The following LHFPL3 variants were observed in gnomAD, a reference collection of about 807,000 sequenced individuals.
LHFPL3 encodes LHFPL tetraspan subfamily member 3, also known as LHFPL tetraspan subfamily member 3 protein.
Under a neutral mutation model 19.3 loss-of-function variants are expected in LHFPL3, and 5 were observed. The ratio of observed to expected loss-of-function variants is 0.26; its 90% CI spans 0.14 to 0.54. The LOEUF is 0.54. Among genes scored for constraint, LHFPL3 ranks in the 20% least tolerant of loss-of-function variants. LHFPL3 has a pLI of 0.94. For missense variants in LHFPL3, 249 were observed against 307.4 expected, an observed-to-expected ratio of 0.81 and a Z score of 1.42; for synonymous variants, 133 against 126.2, an observed-to-expected ratio of 1.05 and a Z score of -0.36.
chr7:104,435,453 A>G (rs964279822), intron 1 of LHFPL3, among the ~76,000 whole-genome samples: 1 of 151,330 alleles, frequency 6.6e-6, no homozygotes, highest in African/African-American at 2.4e-5. Flanking sequence ...TTTAAAAAAG[A>G]CTTATTTTTT....
At chr7:104,546,227 C>A (rs976840194) in intron 1 of LHFPL3, among the ~76,000 whole-genome samples, 2 of 152,046 alleles carry the variant, frequency 1.3e-5, no homozygotes, top group East Asian at 3.9e-4. Context: ...AAAGAAATAT[C>A]CCAGGGAAAC....
chr7:104,795,326 G>A (rs558479933), intron 2 of LHFPL3, among the ~76,000 whole-genome samples: 6 of 152,172 alleles, frequency 3.9e-5, no homozygotes, highest in East Asian at 1.9e-4. Flanking sequence ...TCCCATTGCC[G>A]GAAAGTCAGC....
At chr7:104,718,441 T>A (rs1349497828) in intron 1 of LHFPL3, among the ~76,000 whole-genome samples, 1 of 152,158 alleles carries the variant, frequency 6.6e-6, no homozygotes, top group Admixed American at 6.5e-5. Flanking sequence ...AAGAATTAAA[T>A]TACTCCTAAG....
At chr7:104,613,587 T>C (rs998129006) in intron 1 of LHFPL3, among the ~76,000 whole-genome samples, 14 of 152,124 alleles carry the variant, frequency 9.2e-5, no homozygotes, top group African/African-American at 3.4e-4. Flanking sequence ...CTCAACCTAA[T>C]TCCGCAACAC....
intron 1 of LHFPL3, among the ~76,000 whole-genome samples, chr7:104,552,884 C>G (rs532326764): frequency 6.6e-6 from 1 of 152,208 alleles, no homozygotes; most frequent in African/African-American, 2.4e-5. Flanking sequence ...TGGGTGCAGA[C>G]CCTAGTTCTG....
chr7:104,696,209 C>T (rs1245632540), intron 1 of LHFPL3, among the ~76,000 whole-genome samples: 4 of 152,198 alleles, frequency 2.6e-5, no homozygotes, highest in Admixed American at 1.3e-4. Context: ...CTCAGCCTCC[C>T]GGAGTGCTGG....
At chr7:104,871,285 G>A (rs1791831297) in intron 2 of LHFPL3, among the ~76,000 whole-genome samples, 1 of 152,168 alleles carries the variant, frequency 6.6e-6, no homozygotes, top group Non-Finnish European at 1.5e-5. Context: ...ACAATGATAA[G>A]TATTTGTGTA....
intron 1 of LHFPL3, among the ~76,000 whole-genome samples, chr7:104,523,938 A>G (rs963191404): frequency 1.2e-4 from 19 of 152,326 alleles, no homozygotes; most frequent in Non-Finnish European, 2.5e-4. Flanking sequence ...CTAGGAATCA[A>G]TTATTTAAAA....
At chr7:104,900,329 G>A (rs1404837658) in intron 2 of LHFPL3, among the ~76,000 whole-genome samples, 2 of 152,260 alleles carry the variant, frequency 1.3e-5, no homozygotes, top group South Asian at 2.1e-4. Flanking sequence ...AGAAAGAGAC[G>A]TTCATGAGTT....
chr7:104,796,129 C>T (rs1335583157), intron 2 of LHFPL3, among the ~76,000 whole-genome samples: 1 of 152,154 alleles, frequency 6.6e-6, no homozygotes, highest in African/African-American at 2.4e-5. Context: ...GCTGAGGCCT[C>T]AATAGTGCAG....
chr7:104,502,477 T>A (rs1408622079), intron 1 of LHFPL3, among the ~76,000 whole-genome samples: 1 of 152,206 alleles, frequency 6.6e-6, no homozygotes, highest in Non-Finnish European at 1.5e-5. Context: ...CAAAAGAGTA[T>A]AGAAATGGCA....
chr7:104,801,389 A>C (rs924380978), intron 2 of LHFPL3, among the ~76,000 whole-genome samples: 1 of 152,150 alleles, frequency 6.6e-6, no homozygotes, highest in Admixed American at 6.5e-5. Flanking sequence ...CACCCATACA[A>C]GGGGGTCAGG....
intron 1 of LHFPL3, among the ~76,000 whole-genome samples, chr7:104,364,467 G>A (rs1326985242): frequency 3.3e-5 from 5 of 152,224 alleles, no homozygotes; most frequent in African/African-American, 1.2e-4. Flanking sequence ...AAAGCTGGCA[G>A]TAGAAGTTAG....
chr7:104,790,739 G>A (rs1790008795), intron 2 of LHFPL3, among the ~76,000 whole-genome samples: 1 of 152,122 alleles, frequency 6.6e-6, no homozygotes, highest in Non-Finnish European at 1.5e-5. Flanking sequence ...CCAACCAGTT[G>A]TCAGAAGACC....
At chr7:104,523,228 T>C (rs985321289) in intron 1 of LHFPL3, among the ~76,000 whole-genome samples, 4 of 152,168 alleles carry the variant, frequency 2.6e-5, no homozygotes, top group Non-Finnish European at 5.9e-5. Flanking sequence ...TTGCCATGTG[T>C]CAGGTACTGT....
At chr7:104,499,051 A>G (rs1793547137) in intron 1 of LHFPL3, among the ~76,000 whole-genome samples, 1 of 152,314 alleles carries the variant, frequency 6.6e-6, no homozygotes, top group Admixed American at 6.5e-5. Context: ...CATTCATAAA[A>G]ATGAAGCATG....
intron 1 of LHFPL3, among the ~76,000 whole-genome samples, chr7:104,402,061 G>T (rs1399641216): frequency 6.6e-6 from 1 of 150,986 alleles, no homozygotes. Context: ...AGGCCACATG[G>T]GTATAATCAG....
At chr7:104,490,732 A>G (rs1392639817) in intron 1 of LHFPL3, among the ~76,000 whole-genome samples, 4 of 152,188 alleles carry the variant, frequency 2.6e-5, no homozygotes, top group Admixed American at 1.3e-4. Flanking sequence ...GATTTTAACT[A>G]TCTTGCCAAA....
chr7:104,564,838 C>A (rs894188599), intron 1 of LHFPL3, among the ~76,000 whole-genome samples: 1 of 152,090 alleles, frequency 6.6e-6, no homozygotes, highest in Non-Finnish European at 1.5e-5. Context: ...AAAAGTGTGC[C>A]GGGATTCACA....
Sources: gnomAD v4.1 joint callset for allele counts (sites outside exome capture counted in the v4.1 genomes callset) on GRCh38, gnomAD v4.1.1 for gene constraint, MANE v1.5 for transcripts, NCBI Gene and HGNC (gene_info 2026-07-23, HGNC 2026-07-21) for gene names.